The following TCF12 variants were observed in gnomAD, a reference collection of about 807,000 sequenced individuals.
TCF12 encodes DNA-binding protein HTF4.
TCF12 carries 45 observed loss-of-function variants against 86.0 expected under a neutral mutation model. The ratio of observed to expected loss-of-function variants is 0.52; its 90% CI spans 0.41 to 0.67. The LOEUF (loss-of-function observed/expected upper bound fraction) is 0.67, where lower values mean the gene tolerates loss of function less well. Among genes scored for constraint, TCF12 ranks in the 30% least tolerant of loss-of-function variants. The pLI, the probability that TCF12 is intolerant of heterozygous loss-of-function variation, is 0.00. For synonymous variants in TCF12, 330 were observed against 299.6 expected, an observed-to-expected ratio of 1.10 and a Z score of -1.05; for missense variants, 881 against 859.9, an observed-to-expected ratio of 1.02 and a Z score of -0.31.
intron 4 of TCF12, among the ~76,000 whole-genome samples, chr15:57,073,772 G>A (rs548110845): frequency 6.8e-4 from 104 of 152,194 alleles, no homozygotes; most frequent in African/African-American, 2.4e-3. Context: ...TTTTTGAGAC[G>A]GAGTCTCGCT....
chr15:57,070,180 T>C (rs2069248635), intron 4 of TCF12, among the ~76,000 whole-genome samples: 1 of 151,842 alleles, frequency 6.6e-6, no homozygotes, highest in Admixed American at 6.5e-5. Context: ...CAGCACAAGA[T>C]GATATCCGGG....
intron 5 of TCF12, among the ~76,000 whole-genome samples, chr15:57,151,852 G>A (rs1163565856): frequency 6.6e-6 from 1 of 151,938 alleles, no homozygotes; most frequent in Non-Finnish European, 1.5e-5. Context: ...GTTTCTGTAA[G>A]TACTGAGGCT....
chr15:57,195,779 G>C (rs1463694378), intron 7 of TCF12, among the ~76,000 whole-genome samples: 4 of 152,190 alleles, frequency 2.6e-5, no homozygotes, highest in African/African-American at 9.7e-5. Flanking sequence ...CAAGGCCGAT[G>C]ATCACTTGAG....
chr15:56,931,656 C>T (rs2060254216), intron 3 of TCF12, among the ~76,000 whole-genome samples: 1 of 152,152 alleles, frequency 6.6e-6, no homozygotes, highest in Non-Finnish European at 1.5e-5. Context: ...TAGCATGATG[C>T]TTATTCCTGA....
At chr15:57,142,891 AGTATGAAG>A (rs2151417129) in intron 5 of TCF12, among the ~76,000 whole-genome samples, 1 of 152,336 alleles carries the variant, frequency 6.6e-6, no homozygotes, top group South Asian at 2.1e-4. Flanking sequence ...TCTAAGCTAC[AGTATGAAG>A]GATATGAAAG....
At chr15:57,248,833 T>C (rs1040356700) in intron 13 of TCF12, among the ~76,000 whole-genome samples, 1 of 152,232 alleles carries the variant, frequency 6.6e-6, no homozygotes, top group Non-Finnish European at 1.5e-5. Context: ...TGTAGATGAT[T>C]ACCCAGGTAA....
Position 57,282,570 on chromosome 15 carries a change from C to T in TCF12, c.2104C>T (p.Pro702Ser), listed in dbSNP as rs1434652296. ...THPGLSETTN[P>S]MGHM ...TCCTGGGCTTAGTGAAACTACCAACCCTATGGGTCATATGTAAACATCAGC... is the reference window on the plus strand; with the variant it reads ...TCCTGGGCTTAGTGAAACTACCAACTCTATGGGTCATATGTAAACATCAGC... The change falls in exon 20 of 21, where the codon CCT becomes TCT. Residue 702 changes from proline (P) to serine (S), a missense_variant. This residue lies in a region of TCF12 where 69 missense variants were observed against 64.2 expected (regional missense o/e 1.07). Coordinates refer to ENST00000333725, the MANE Select transcript of TCF12 (RefSeq NM_207037.2). 1 of 1,614,112 alleles carries T rather than the reference C, an allele frequency of 6.2e-7. No individual in the cohort carries two copies. The highest frequency in any genetic ancestry group is 2.2e-5 in the East Asian group (1 of 44,884).
chr15:57,112,318 G>T (rs1443982924), intron 5 of TCF12, among the ~76,000 whole-genome samples: 1 of 152,204 alleles, frequency 6.6e-6, no homozygotes, highest in Non-Finnish European at 1.5e-5. Context: ...AAGAAGCCAA[G>T]TCTCAGGCAG....
At position 57,257,679 on chromosome 15, in the gene TCF12, G is replaced by GTATATATA. The variant is rs55834033; in HGVS notation, c.1467+4228_1467+4235dup. Among the ~76,000 whole-genome samples, 463 of 140,346 alleles carry GTATATATA rather than the reference G, an allele frequency of 3.3e-3. 1 individual carries two copies. Among genetic ancestry groups the GTATATATA allele is most frequent in the Non-Finnish European group, 4.3e-3 (283 of 65,812 alleles). 92.1% of individuals were successfully genotyped at this position (140,346 alleles called of 152,430 possible). On this transcript the variant is annotated intron_variant, in intron 16 of 20. Coordinates refer to ENST00000333725, the MANE Select transcript of TCF12 (RefSeq NM_207037.2). ...CTGTCTCTTAAAAAAAAAAAAAAGT[G>GTATATATA]TATATATATATATATATATATATAG... is the stretch of plus-strand genomic sequence containing the variant.
chr15:57,182,059 A>G (rs1413476803), intron 6 of TCF12, among the ~76,000 whole-genome samples: 1 of 152,184 alleles, frequency 6.6e-6, no homozygotes, highest in Admixed American at 6.5e-5. Flanking sequence ...TTCTTGAATA[A>G]GATAGCTCGG....
At chr15:57,087,091 GTCTCCCTCTC>G (rs1191040702) in intron 4 of TCF12, among the ~76,000 whole-genome samples, 4 of 135,782 alleles carry the variant, frequency 2.9e-5, no homozygotes, top group Admixed American at 8.2e-5. Flanking sequence ...GTCTCCCTCT[GTCTCCCTCTC>G]TCTCCCTCTC....
Position 56,919,885 on chromosome 15 carries a change from G to T in TCF12, c.-22-7G>T, listed in dbSNP as rs1313714690. 1.2e-6 allele frequency: 2 copies of T among 1,613,334 alleles called. No homozygotes were observed. Among genetic ancestry groups the T allele is most frequent in the African/African-American group, 2.7e-5 (2 of 74,862 alleles). ...GTCTCTCGCTGAGCCCGTTTCCTCT[G>T]CCCTAGGACCTGCTAGAAGTGGCCG... On this transcript the variant is annotated splice_polypyrimidine_tract_variant and splice_region_variant and intron_variant, in intron 1 of 20. Transcript: ENST00000333725.
At chr15:57,060,708 T>C (rs1184729073) in intron 3 of TCF12, among the ~76,000 whole-genome samples, 1 of 152,246 alleles carries the variant, frequency 6.6e-6, no homozygotes, top group Non-Finnish European at 1.5e-5. Flanking sequence ...TTCTCATCAC[T>C]GTATTGCAAC....
rs200684049 is a variant in TCF12 at position 57,219,590 on chromosome 15, G to A, written c.580-11562G>A. 8.0e-5 allele frequency: 129 copies of A among 1,612,116 alleles called. No individual in the cohort carries two copies. The highest frequency in any genetic ancestry group is 9.8e-5 in the Non-Finnish European group (116 of 1,178,614). ...TGATGTATTACTACAATGGGAAAAC[G>A]GTAAGCCTTTTTCTTTGTATAGCTT... On this transcript the variant is annotated intron_variant, in intron 8 of 20. Transcript: ENST00000333725.
chr15:57,008,414 T>A (rs1467856259), intron 3 of TCF12, among the ~76,000 whole-genome samples: 1 of 152,042 alleles, frequency 6.6e-6, no homozygotes, highest in Non-Finnish European at 1.5e-5. Flanking sequence ...TTTGCTCTGT[T>A]ACCCATGTTG....
intron 3 of TCF12, among the ~76,000 whole-genome samples, chr15:56,947,617 G>A (rs2140414004): frequency 6.6e-6 from 1 of 152,302 alleles, no homozygotes; most frequent in South Asian, 2.1e-4. Flanking sequence ...TTGGGAAGCA[G>A]TCTTTTGATG....
chr15:56,981,210 A>G (rs2062873535), intron 3 of TCF12, among the ~76,000 whole-genome samples: 1 of 152,222 alleles, frequency 6.6e-6, no homozygotes, highest in African/African-American at 2.4e-5. Flanking sequence ...ATAACAGAAT[A>G]CCGGAGACTG....
intron 16 of TCF12, among the ~76,000 whole-genome samples, chr15:57,261,781 G>A (rs1026878589): frequency 8.3e-4 from 19 of 22,906 alleles, no homozygotes; most frequent in Admixed American, 3.6e-3. Context: ...TACGTAGTGC[G>A]TTGTGGCTTA....
intron 3 of TCF12, among the ~76,000 whole-genome samples, chr15:57,051,734 A>C (rs2067635522): frequency 6.6e-6 from 1 of 152,180 alleles, no homozygotes; most frequent in South Asian, 2.1e-4. Flanking sequence ...TTTGGATCTT[A>C]CCCAGAGAGT....
Sources: allele counts gnomAD v4.1 joint callset (sites outside exome capture counted in the v4.1 genomes callset), GRCh38; gene constraint gnomAD v4.1.1; regional missense constraint gnomAD v4.1.1; transcripts MANE v1.5; gene names NCBI Gene and HGNC (gene_info 2026-07-23, HGNC 2026-07-21).